Variants in SQOR observed in about 807,000 individuals in gnomAD.
SQOR encodes sulfide:quinone oxidoreductase, mitochondrial.
A neutral mutation model predicts 48.6 loss-of-function variants in SQOR; 39 were observed. That is an observed-to-expected ratio of 0.80 (90% CI 0.62 to 1.05). SQOR has a LOEUF of 1.05. Ranked by LOEUF, SQOR falls within the 50% of genes least tolerant of loss-of-function variation. The pLI is 0.00. For synonymous variants in SQOR, 220 were observed against 206.2 expected (o/e 1.07, Z -0.57); for missense variants, 561 against 559.9 (o/e 1.00, Z -0.02).
Position 45,691,102 on chromosome 15 carries a change from G to A in SQOR, c.*72G>A. The A allele has an allele frequency of 7.5e-7, 1 of 1,338,040 alleles. No individual in the cohort carries two copies. 82.9% of individuals were successfully genotyped at this position (1,338,040 alleles called of 1,614,324 possible). The stretch of plus-strand genomic sequence containing the variant: ...TGCAGTCACTGAATGACCAAGAGCA[G>A]CACGAAGGACTTGGAACCTATCCTT... On this transcript the variant is annotated 3_prime_UTR_variant, in exon 10 of 10. Coordinates refer to ENST00000260324, the MANE Select transcript of SQOR (RefSeq NM_021199.4).
chr15:45,685,257 TTTC>T (rs1157276432), intron 7 of SQOR, among the ~76,000 whole-genome samples: 1 of 152,204 alleles, frequency 6.6e-6, no homozygotes, highest in Non-Finnish European at 1.5e-5. Flanking sequence ...CAGATCTTCA[TTTC>T]TTCTTAGATT....
chr15:45,655,464 A>G (rs568935923), intron 1 of SQOR, among the ~76,000 whole-genome samples: 20 of 152,334 alleles, frequency 1.3e-4, no homozygotes, highest in Admixed American at 9.8e-4. Flanking sequence ...TGAAACATCA[A>G]TATCTTACTT....
rs772369762 is a variant in SQOR at position 45,689,072 on chromosome 15, G to A, written c.1150G>A (p.Gly384Ser). ...DGYTSCPLVTGYNRVILAEFD... is the reference protein window; with the variant it reads ...DGYTSCPLVTSYNRVILAEFD... ...CTACACATCATGTCCACTGGTGACC[G>A]GCTACAACCGTGTGATTCTTGCTGA... is the stretch of plus-strand genomic sequence containing the variant. The change falls in exon 9 of 10, where the codon GGC becomes AGC. Residue 384 changes from glycine to serine, a missense_variant. By Grantham distance (56) the Gly-to-Ser change is moderately conservative. Coordinates refer to ENST00000260324, the MANE Select transcript of SQOR (RefSeq NM_021199.4). 8 of 1,613,972 alleles carry A rather than the reference G, an allele frequency of 5.0e-6. No individual in the cohort carries two copies. The highest frequency in any genetic ancestry group is 2.7e-5 in the African/African-American group (2 of 74,884).
chr15:45,658,591 C>T (rs767355829), intron 1 of SQOR, among the ~76,000 whole-genome samples: 10 of 152,146 alleles, frequency 6.6e-5, no homozygotes, highest in East Asian at 1.9e-4. Flanking sequence ...CTAGATCTTA[C>T]GGATGGACAA....
chr15:45,659,198 G>T, intron 2 of SQOR, 41 bp downstream of exon 2: 2 of 1,404,452 alleles, frequency 1.4e-6, no homozygotes, highest in Non-Finnish European at 1.9e-6. Context: ...GTGTGTACGT[G>T]TGTGTGTGTG....
chr15:45,646,356 G>GA (rs746508809), intron 1 of SQOR, among the ~76,000 whole-genome samples: 7 of 152,352 alleles, frequency 4.6e-5, no homozygotes, highest in Admixed American at 6.5e-5. Context: ...TTGCTCGTCA[G>GA]AAAAAGAATT....
chr15:45,631,673 A>T (rs1894901329), upstream of SQOR: 2 of 151,734 alleles, frequency 1.3e-5, no homozygotes, highest in African/African-American at 4.8e-5. Flanking sequence ...TCCATTCTCT[A>T]TTTCCACCCA....
In SQOR at chr15:45,689,278, G is replaced by A. The variant is rs567801293; in HGVS notation, c.1295+61G>A. 72 of 1,546,926 alleles carry A rather than the reference G, an allele frequency of 4.7e-5. No individual in the cohort carries two copies. In the African/African-American group the frequency reaches 9.1e-4, roughly 20 times the overall value. ...GATTTGTAGCACATCTCCACCCAAA[G>A]GGGATGCAGCCTCTTTTCTTCATTA... On this transcript the variant is annotated intron_variant, in intron 9 of 9. Transcript: ENST00000260324.
intron 9 of SQOR, among the ~76,000 whole-genome samples, chr15:45,690,569 C>T (rs1471348613): frequency 1.3e-5 from 2 of 152,152 alleles, no homozygotes; most frequent in Non-Finnish European, 2.9e-5. Context: ...TGAGCAGAGG[C>T]CAGGGATACT....
At chr15:45,649,756 T>C (rs1468846198) in intron 1 of SQOR, among the ~76,000 whole-genome samples, 1 of 152,200 alleles carries the variant, frequency 6.6e-6, no homozygotes, top group Non-Finnish European at 1.5e-5. Context: ...GTGCTGGAAT[T>C]ACAGGCGTGA....
At chr15:45,662,701 C>T (rs1889743864) in intron 3 of SQOR, among the ~76,000 whole-genome samples, 1 of 152,184 alleles carries the variant, frequency 6.6e-6, no homozygotes, top group African/African-American at 2.4e-5. Flanking sequence ...CAAAGCTTTT[C>T]AGCAGTGGCC....
intron 3 of SQOR, among the ~76,000 whole-genome samples, chr15:45,666,377 A>G (rs986090447): frequency 4.3e-4 from 66 of 152,278 alleles, no homozygotes; most frequent in African/African-American, 1.5e-3. Flanking sequence ...TTTCTTGTCC[A>G]TTGTTTTATG....
intron 5 of SQOR, 22 bp downstream of exon 5, chr15:45,673,823 A>T (rs1321043009): frequency 6.2e-7 from 1 of 1,611,400 alleles, no homozygotes; most frequent in Non-Finnish European, 8.5e-7. Flanking sequence ...TTCTGGGGAC[A>T]GAGATGAGCA....
intron 2 of SQOR, among the ~76,000 whole-genome samples, chr15:45,661,594 A>T (rs181109904): frequency 1.3e-5 from 2 of 152,296 alleles, no homozygotes; most frequent in East Asian, 3.9e-4. Flanking sequence ...GCTGGGCTTA[A>T]TTTTTAAAAT....
intron 7 of SQOR, among the ~76,000 whole-genome samples, chr15:45,684,358 T>C (rs937814977): frequency 6.7e-6 from 1 of 148,330 alleles, no homozygotes; most frequent in Admixed American, 6.7e-5. Context: ...GACATTTTTT[T>C]CTTTACTTTC....
intron 6 of SQOR, 55 bp from the exon 7 acceptor site, chr15:45,682,422 GT>G: frequency 2.5e-6 from 4 of 1,584,744 alleles, no homozygotes; most frequent in Non-Finnish European, 3.4e-6. Context: ...GGGAGAGCTT[GT>G]GGAGCTGTAG....
intron 6 of SQOR, among the ~76,000 whole-genome samples, chr15:45,681,452 A>G (rs1008740099): frequency 1.2e-4 from 19 of 152,140 alleles, no homozygotes; most frequent in Admixed American, 4.6e-4. Context: ...TGAGAGTTGT[A>G]ATAAGTACAA....
intron 1 of SQOR, among the ~76,000 whole-genome samples, chr15:45,657,592 A>G (rs1457515103): frequency 6.6e-6 from 1 of 151,662 alleles, no homozygotes; most frequent in African/African-American, 2.4e-5. Context: ...GGGCACCAAA[A>G]CTCTGGAATT....
At chr15:45,664,173 T>G (rs1889771306) in intron 3 of SQOR, among the ~76,000 whole-genome samples, 1 of 152,208 alleles carries the variant, frequency 6.6e-6, no homozygotes, top group Non-Finnish European at 1.5e-5. Flanking sequence ...TAACTCTTCA[T>G]CTTTTTAGAC....
Sources: allele counts gnomAD v4.1 joint callset (sites outside exome capture counted in the v4.1 genomes callset), GRCh38; gene constraint gnomAD v4.1.1; transcripts MANE v1.5; gene names NCBI Gene and HGNC (gene_info 2026-07-23, HGNC 2026-07-21).